The following TENM2 variants were observed in gnomAD, a reference collection of about 807,000 sequenced individuals.
TENM2 encodes the protein teneurin transmembrane protein 2, also known as teneurin-2.
In TENM2, 52 loss-of-function variants were observed where a neutral mutation model predicts 245.2. The observed-to-expected ratio is 0.21, with a 90% CI of 0.17 to 0.27. The LOEUF is 0.27. TENM2 is among the 10% of genes least tolerant of loss of function. The probability of loss-of-function intolerance (pLI) is 1.00; values close to 1 mark genes in which losing one functional copy is unlikely to be tolerated. For synonymous variants in TENM2, 1,363 were observed against 1,438.9 expected (o/e 0.95, Z 1.19); for missense variants, 3,046 against 3,666.8 (o/e 0.83, Z 4.37).
intron 4 of TENM2, among the ~76,000 whole-genome samples, chr5:167,975,689 C>T (rs185351058): frequency 6.6e-6 from 1 of 152,152 alleles, no homozygotes; most frequent in African/African-American, 2.4e-5. Context: ...AAATATTGTA[C>T]CTATGGCTAT....
At chr5:167,348,266 G>A (rs1469059129) in intron 1 of TENM2, among the ~76,000 whole-genome samples, 1 of 152,134 alleles carries the variant, frequency 6.6e-6, no homozygotes, top group Non-Finnish European at 1.5e-5. Flanking sequence ...CCTAGGTACC[G>A]TTCCTAAGGA....
intron 2 of TENM2, among the ~76,000 whole-genome samples, chr5:167,728,357 CT>C (rs35135119): frequency 0.011 from 1,679 of 152,216 alleles, 112 homozygotes; most frequent in Admixed American, 0.097. Flanking sequence ...AATCCCAGCA[CT>C]TTGGGCGTCT....
intron 2 of TENM2, among the ~76,000 whole-genome samples, chr5:167,533,453 TG>T (rs1487070187): frequency 1.3e-5 from 2 of 152,060 alleles, no homozygotes; most frequent in Non-Finnish European, 2.9e-5. Flanking sequence ...GTTTGTTTGT[TG>T]TTTTTTTGAG....
At chr5:168,228,206 C>T (rs554860038) in intron 25 of TENM2, 76 bp downstream of exon 27, 12,956 of 1,236,056 alleles carry the variant, frequency 0.01, 185 homozygotes, top group Non-Finnish European at 0.012. Flanking sequence ...GAGAAAGTTT[C>T]TCTGTTACCA....
At chr5:167,023,830 C>T in the TENM2 span, among the ~76,000 whole-genome samples, 1 of 152,156 alleles carries the variant, frequency 6.6e-6, no homozygotes, top group Non-Finnish European at 1.5e-5. Context: ...AGTCTAGATT[C>T]AGCGGCACTT....
At chr5:167,077,615 T>A in the TENM2 span, among the ~76,000 whole-genome samples, 88 of 152,370 alleles carry the variant, frequency 5.8e-4, no homozygotes, top group Admixed American at 1.2e-3. Context: ...TATGTATTTT[T>A]AAATCATGCC....
At chr5:167,954,709 A>T (rs1167509084) in intron 4 of TENM2, among the ~76,000 whole-genome samples, 1 of 152,110 alleles carries the variant, frequency 6.6e-6, no homozygotes, top group South Asian at 2.1e-4. Flanking sequence ...GAGTGAGAAC[A>T]TGTGGTGTTT....
At chr5:167,560,316 G>A (rs929092749) in intron 2 of TENM2, among the ~76,000 whole-genome samples, 1 of 151,984 alleles carries the variant, frequency 6.6e-6, no homozygotes, top group African/African-American at 2.4e-5. Context: ...ACCTATTTCT[G>A]TATTATACTC....
chr5:167,911,840 G>C (rs991868095), intron 3 of TENM2, among the ~76,000 whole-genome samples: 1 of 151,976 alleles, frequency 6.6e-6, no homozygotes, highest in Non-Finnish European at 1.5e-5. Flanking sequence ...TTGATTTTAA[G>C]TTTCTCTTTT....
At chr5:167,512,318 G>A (rs1240387786) in intron 2 of TENM2, among the ~76,000 whole-genome samples, 1 of 152,086 alleles carries the variant, frequency 6.6e-6, no homozygotes, top group Admixed American at 6.6e-5. Context: ...AATTTGGCAT[G>A]GCCCACACAG....
chr5:167,870,855 C>T (rs888448483), intron 2 of TENM2, among the ~76,000 whole-genome samples: 1 of 151,898 alleles, frequency 6.6e-6, no homozygotes, highest in Non-Finnish European at 1.5e-5. Context: ...ACATAAATCA[C>T]TTATGCATTG....
the TENM2 span, among the ~76,000 whole-genome samples, chr5:167,111,530 C>T: frequency 6.6e-6 from 1 of 152,216 alleles, no homozygotes; most frequent in African/African-American, 2.4e-5. Flanking sequence ...CAGCCATTTT[C>T]TGTAAATAAG....
chr5:168,241,786 A>G (rs1295784399), intron 25 of TENM2, among the ~76,000 whole-genome samples: 1 of 152,224 alleles, frequency 6.6e-6, no homozygotes, highest in Non-Finnish European at 1.5e-5. Flanking sequence ...AGTACCTAGC[A>G]TAGCACCTGC....
the TENM2 span, among the ~76,000 whole-genome samples, chr5:167,217,424 G>A: frequency 6.6e-6 from 1 of 152,200 alleles, no homozygotes; most frequent in South Asian, 2.1e-4. Flanking sequence ...GATTACTTTA[G>A]GAAGTATTTG....
intron 2 of TENM2, among the ~76,000 whole-genome samples, chr5:167,537,741 T>TG (rs1230332674): frequency 6.6e-6 from 1 of 152,162 alleles, no homozygotes; most frequent in Non-Finnish European, 1.5e-5. Context: ...AGACGCTCCT[T>TG]GGGGAAAGGT....
At chr5:167,571,923 G>C (rs557620369) in intron 2 of TENM2, among the ~76,000 whole-genome samples, 1 of 152,296 alleles carries the variant, frequency 6.6e-6, no homozygotes, top group African/African-American at 2.4e-5. Context: ...CAAAATGTCC[G>C]CAGAGATTTC....
the TENM2 span, among the ~76,000 whole-genome samples, chr5:167,076,054 CTT>C: frequency 1.3e-5 from 2 of 152,294 alleles, no homozygotes; most frequent in South Asian, 4.1e-4. Context: ...ATGCCATTCT[CTT>C]TGCTCTTTAA....
At chr5:167,279,512 C>CCTTT in the TENM2 span, among the ~76,000 whole-genome samples, 1 of 118,122 alleles carries the variant, frequency 8.5e-6, no homozygotes, top group Non-Finnish European at 1.7e-5. Flanking sequence ...TTCCTTCCTT[C>CCTTT]CTTTCCTTCC....
In TENM2 at chr5:167,600,086, C is replaced by T. The variant is rs78939696; in HGVS notation, c.502+224613C>T. On this transcript the variant is annotated intron_variant, in intron 2 of 28. Transcript: ENST00000518659. ...GCTTGAACCCAGGAGGCGGAGTTTGCTTCATTTATAGGATACGTGGAACTC... is the reference window on the plus strand; with the variant it reads ...GCTTGAACCCAGGAGGCGGAGTTTGTTTCATTTATAGGATACGTGGAACTC... Among the ~76,000 whole-genome samples the T allele has an allele frequency of 3.2e-3, 350 of 109,342 alleles. 6 individuals carry two copies. Among genetic ancestry groups the T allele is most frequent in the Middle Eastern group, 6.0e-3 (1 of 168 alleles). 71.7% of individuals were successfully genotyped at this position (109,342 alleles called of 152,430 possible).
Sources: gnomAD v4.1 joint callset for allele counts (sites outside exome capture counted in the v4.1 genomes callset) on GRCh38, gnomAD v4.1.1 for gene constraint, MANE v1.5 for transcripts, NCBI Gene and HGNC (gene_info 2026-07-23, HGNC 2026-07-21) for gene names.